Variants in UGT1A10 observed in about 807,000 individuals in gnomAD.
The protein encoded by UGT1A10 is UDP glucuronosyltransferase family 1 member A10.
Under a neutral mutation model 45.8 loss-of-function variants are expected in UGT1A10, and 49 were observed. That is an observed-to-expected ratio of 1.07 (90% CI 0.85 to 1.36). UGT1A10 has a LOEUF of 1.36. Among genes scored for constraint, UGT1A10 ranks in the 40% most tolerant of loss-of-function variants. UGT1A10 has a pLI of 0.00. For missense variants in UGT1A10, 745 were observed against 668.6 expected (o/e 1.11, Z -1.26); for synonymous variants, 284 against 249.7 (o/e 1.14, Z -1.29).
rs184398589 is a variant in UGT1A10, at chr2:233,712,244, G to C, written c.856-54790G>C. On this transcript the variant is annotated intron_variant, in intron 1 of 4. Coordinates refer to ENST00000344644, the MANE Select transcript of UGT1A10 (RefSeq NM_019075.4). ...TGAACCCACCATGGGTCTTTGCTAGGGTTGTCTTGCACATGTGTGCTTTAG... is the reference window on the plus strand; with the variant it reads ...TGAACCCACCATGGGTCTTTGCTAGCGTTGTCTTGCACATGTGTGCTTTAG... Among the ~76,000 whole-genome samples the C allele has an allele frequency of 7.5e-4, 114 of 152,296 alleles. 1 individual carries two copies. Among genetic ancestry groups the C allele is most frequent in the Non-Finnish European group, 1.1e-3 (75 of 68,026 alleles).
chr2:233,654,394 C>T (rs1234663655), intron 1 of UGT1A10, among the ~76,000 whole-genome samples: 3 of 152,162 alleles, frequency 2.0e-5, no homozygotes, highest in Non-Finnish European at 2.9e-5. Flanking sequence ...AACCCTATAG[C>T]ATCTTGTTTC....
At chr2:233,661,421 C>T (rs1185191847) in intron 1 of UGT1A10, among the ~76,000 whole-genome samples, 3 of 152,104 alleles carry the variant, frequency 2.0e-5, no homozygotes, top group Non-Finnish European at 4.4e-5. Context: ...TCAGTAAGAC[C>T]TTTCTCACTA....
chr2:233,682,311 G>A (rs770311542), intron 1 of UGT1A10: 2 of 1,613,908 alleles, frequency 1.2e-6, no homozygotes, highest in East Asian at 2.2e-5. Context: ...TCAAATTGCA[G>A]GAGTTTGTTT....
chr2:233,771,014 CGA>C (rs1700215366), intron 4 of UGT1A10: 2 of 152,012 alleles, frequency 1.3e-5, no homozygotes, highest in Admixed American at 1.3e-4. Context: ...AAAGCAGGAG[CGA>C]GAGAGAGTTG....
chr2:233,656,734 G>A (rs1277185874), intron 1 of UGT1A10, among the ~76,000 whole-genome samples: 3 of 152,068 alleles, frequency 2.0e-5, no homozygotes, highest in African/African-American at 4.8e-5. Flanking sequence ...CTTCTGTCCC[G>A]TCGTGGCTGT....
intron 1 of UGT1A10, among the ~76,000 whole-genome samples, chr2:233,709,397 A>G (rs2076074225): frequency 6.6e-6 from 1 of 152,196 alleles, no homozygotes; most frequent in Non-Finnish European, 1.5e-5. Context: ...TTAATAATCT[A>G]TGGGTGAACA....
intron 1 of UGT1A10, among the ~76,000 whole-genome samples, chr2:233,702,121 A>T (rs1297535500): frequency 6.6e-6 from 1 of 152,030 alleles, no homozygotes; most frequent in Non-Finnish European, 1.5e-5. Flanking sequence ...ACCTTAGAAC[A>T]TTTTCAGTCA....
At chr2:233,675,913 C>A (rs1187695391) in intron 1 of UGT1A10, among the ~76,000 whole-genome samples, 1 of 152,086 alleles carries the variant, frequency 6.6e-6, no homozygotes, top group Non-Finnish European at 1.5e-5. Flanking sequence ...AATAAAAATT[C>A]TTTAATATTA....
intron 1 of UGT1A10, among the ~76,000 whole-genome samples, chr2:233,700,484 T>C (rs1254737462): frequency 6.6e-6 from 1 of 152,090 alleles, no homozygotes; most frequent in Non-Finnish European, 1.5e-5. Context: ...TCAACATGAG[T>C]ACATAAAAGC....
In UGT1A10 at chr2:233,712,997, C is replaced by T; in HGVS notation, c.856-54037C>T. ...TGTCGGTGGCTTCTGCTGAGATGGC[C>T]ACAGGACTCCAGGTTCCCCTGCCGC... On this transcript the variant is annotated intron_variant, in intron 1 of 4. Transcript: ENST00000344644. The T allele has an allele frequency of 1.9e-6, 3 of 1,613,428 alleles. No individual in the cohort carries two copies. In the East Asian group the frequency reaches 6.7e-5, roughly 36 times the overall value.
rs1409125726 is a variant in UGT1A10, at chr2:233,724,318, C to A, written c.856-42716C>A. ...CCCCCCACCTCCCTCCCGGACGGGG[C>A]GGCTGGCCAGGCGGGGGGCTGACCC... is the stretch of plus-strand genomic sequence containing the variant. On this transcript the variant is annotated intron_variant, in intron 1 of 4. Transcript: ENST00000344644. Among the ~76,000 whole-genome samples, 124 of 143,122 alleles carry A rather than the reference C, an allele frequency of 8.7e-4. 1 individual carries two copies. Among genetic ancestry groups the A allele is most frequent in the African/African-American group, 2.9e-3 (111 of 38,264 alleles). 93.9% of individuals were successfully genotyped at this position (143,122 alleles called of 152,430 possible).
chr2:233,651,690 A>G (rs1253051045), intron 1 of UGT1A10, among the ~76,000 whole-genome samples: 1 of 152,190 alleles, frequency 6.6e-6, no homozygotes, highest in African/African-American at 2.4e-5. Flanking sequence ...TTGGAAAAGC[A>G]TACAGTTTGT....
chr2:233,740,789 C>T (rs1289641482), intron 1 of UGT1A10: 2 of 151,852 alleles, frequency 1.3e-5, no homozygotes, highest in Non-Finnish European at 2.9e-5. Context: ...TGAATACCCA[C>T]ATAACAGGCT....
At chr2:233,682,820 A>G (rs562629163) in intron 1 of UGT1A10, 4 of 1,573,334 alleles carry the variant, frequency 2.5e-6, no homozygotes, top group South Asian at 1.2e-5. Flanking sequence ...TAGCACATTA[A>G]GAATAATCTG....
intron 1 of UGT1A10, among the ~76,000 whole-genome samples, chr2:233,719,849 T>C (rs1418135949): frequency 6.6e-6 from 1 of 152,222 alleles, no homozygotes; most frequent in Non-Finnish European, 1.5e-5. Context: ...ATTTCAAGTT[T>C]TCAGTGGTCA....
chr2:233,665,479 T>C (rs2074056577), intron 1 of UGT1A10, among the ~76,000 whole-genome samples: 1 of 152,212 alleles, frequency 6.6e-6, no homozygotes, highest in Non-Finnish European at 1.5e-5. Flanking sequence ...AGTAGTGCCT[T>C]GTACACTTTT....
chr2:233,740,858 A>G (rs1691488527), intron 1 of UGT1A10: 1 of 151,872 alleles, frequency 6.6e-6, no homozygotes, highest in Non-Finnish European at 1.5e-5. Flanking sequence ...CAATTCTAAA[A>G]ATTCTTTAAA....
chr2:233,661,627 C>CTTTCTTTCTTTTCTT (rs755405056), intron 1 of UGT1A10, among the ~76,000 whole-genome samples: 2 of 106,136 alleles, frequency 1.9e-5, no homozygotes, highest in South Asian at 6.9e-4. Flanking sequence ...ACTGAATTTT[C>CTTTCTTTCTTTTCTT]TTTCTTTCTT....
chr2:233,655,144 G>GAAAA (rs2125481170), intron 1 of UGT1A10, among the ~76,000 whole-genome samples: 1 of 152,162 alleles, frequency 6.6e-6, no homozygotes, highest in South Asian at 2.1e-4. Flanking sequence ...AAGAAAGAAA[G>GAAAA]AAAAAGTGAA....
Sources: gnomAD v4.1 joint callset for allele counts (sites outside exome capture counted in the v4.1 genomes callset) on GRCh38, gnomAD v4.1.1 for gene constraint, MANE v1.5 for transcripts, NCBI Gene and HGNC (gene_info 2026-07-23, HGNC 2026-07-21) for gene names.